The following PCDHB14 variants were observed in gnomAD, a reference collection of about 807,000 sequenced individuals.
PCDHB14 encodes the protein protocadherin beta-14.
For synonymous variants in PCDHB14, 511 were observed against 441.5 expected, an observed-to-expected ratio of 1.16 and a Z score of -1.97; for missense variants, 1,129 against 1,000.5, an observed-to-expected ratio of 1.13 and a Z score of -1.73.
rs782018469 is a variant in PCDHB14 at position 141,225,696 on chromosome 5, C to T, written c.2191C>T (p.Pro731Ser). The change falls in exon 1 of 1, where the codon CCC becomes TCC. Residue 731 changes from proline to serine, a missense_variant. Physicochemically the swap from Pro to Ser is moderately conservative, Grantham distance 74 (BLOSUM62 -1). Coordinates refer to ENST00000239449, the MANE Select transcript of PCDHB14 (RefSeq NM_018934.4). ...SVGRCSVPEG[P>S]FPGHLVDVSG... is the part of the protein sequence containing the mutation. ...GGGTCGCTGCTCGGTGCCCGAGGGT[C>T]CCTTTCCAGGGCATCTGGTGGACGT... 9 of 1,614,098 alleles carry T rather than the reference C, an allele frequency of 5.6e-6. No individual in the cohort carries two copies. The Admixed American group carries it at 1.5e-4, about 27-fold the overall frequency.
In PCDHB14 at chr5:141,223,614, G is replaced by A; in HGVS notation, c.109G>A (p.Glu37Lys). The change falls in exon 1 of 1, where the codon GAG becomes AAG. Residue 37 changes from glutamate (E) to lysine (K), a missense_variant. Coordinates refer to ENST00000239449, the MANE Select transcript of PCDHB14 (RefSeq NM_018934.4). Reference sequence around the variant, plus strand: ...TGAATCTGCACACTATTCTGTGGCAGAGGAAACAGAAATTGGCTCTTTTGT... The same window carrying A: ...TGAATCTGCACACTATTCTGTGGCAAAGGAAACAGAAATTGGCTCTTTTGT... ...GTESAHYSVA[E>K]ETEIGSFVAN... 1 of 1,614,214 alleles carries A rather than the reference G, an allele frequency of 6.2e-7. No individual in the cohort carries two copies. Among genetic ancestry groups the A allele is most frequent in the Non-Finnish European group, 8.5e-7 (1 of 1,180,020 alleles).
In PCDHB14 at chr5:141,225,302, C is replaced by G; in HGVS notation, c.1797C>G (p.Asn599Lys). ...CGGTGGACGGCGACTCGGGCCAGAA[C>G]GCCTGGCTGTCGTACCAGCTGCTCA... ...VVAVDGDSGQ[N>K]AWLSYQLLKA... Residue 599 changes from asparagine to lysine, a missense_variant, in exon 1 of 1, where the codon AAC (asparagine) becomes AAG (lysine). Asn to Lys is a moderately conservative substitution (Grantham distance 94). Coordinates refer to ENST00000239449, the MANE Select transcript of PCDHB14 (RefSeq NM_018934.4). 6.3e-7 allele frequency: 1 copy of G among 1,598,266 alleles called. No individual in the cohort carries two copies. Among genetic ancestry groups the G allele is most frequent in the South Asian group, 1.1e-5 (1 of 90,700 alleles).
rs1588397815 is a variant in PCDHB14 at position 141,224,986 on chromosome 5, A to G, written c.1481A>G (p.Gln494Arg). 2 of 1,612,576 alleles carry G rather than the reference A, an allele frequency of 1.2e-6. No homozygotes were observed. The highest frequency in any genetic ancestry group is 8.5e-7 in the Non-Finnish European group (1 of 1,180,032). Residue 494 changes from glutamine to arginine, a missense_variant, in exon 1 of 1, where the codon CAG becomes CGG. By Grantham distance (43) the Gln-to-Arg change is conservative (BLOSUM62 1). Transcript: ENST00000239449. ...GTCAACTACTCGCTGCTGCCGCCCC[A>G]GGACCGGCACCTGCCCCTCGCCTCC... ...AQVNYSLLPP[Q>R]DRHLPLASLV...
In PCDHB14 at chr5:141,225,165, G is replaced by T. The variant is rs781826653; in HGVS notation, c.1660G>T (p.Ala554Ser). The change falls in exon 1 of 1, where the codon GCC (alanine) becomes TCC (serine). Residue 554 changes from alanine (A) to serine (S), a missense_variant. Ala to Ser is a moderately conservative substitution (Grantham distance 99). Transcript: ENST00000239449. ...GCTGGTGCGCGTGCTGGTGCTGGACGCCAACGACAACTCGCCCTTCGTGCT... is the reference window on the plus strand; with the variant it reads ...GCTGGTGCGCGTGCTGGTGCTGGACTCCAACGACAACTCGCCCTTCGTGCT... ...EALVRVLVLD[A>S]NDNSPFVLYP... 19 of 1,610,992 alleles carry T rather than the reference G, an allele frequency of 1.2e-5. No individual in the cohort carries two copies. The South Asian group carries it at 2.1e-4, about 18-fold the overall frequency.
chr5:141,225,733 G>T lies in PCDHB14; in HGVS notation c.2228G>T (p.Gly743Val). ...PGHLVDVSGT[G>V]TLSQSYQYEV... ...CATCTGGTGGACGTGAGCGGCACCGGGACCCTGTCCCAGAGCTACCAATAC... is the reference window on the plus strand; with the variant it reads ...CATCTGGTGGACGTGAGCGGCACCGTGACCCTGTCCCAGAGCTACCAATAC... The change falls in exon 1 of 1, where the codon GGG (glycine) becomes GTG (valine). Residue 743 changes from glycine (G) to valine (V), a missense_variant. By Grantham distance (109) the Gly-to-Val change is moderately radical. Transcript: ENST00000239449. 4 of 1,614,236 alleles carry T rather than the reference G, an allele frequency of 2.5e-6. No individual in the cohort carries two copies. Among genetic ancestry groups the T allele is most frequent in the Non-Finnish European group, 2.5e-6 (3 of 1,180,046 alleles).
chr5:141,224,847 G>T lies in PCDHB14; in HGVS notation c.1342G>T (p.Ala448Ser). ...TVLLSDVNDN[A>S]PTFTQTSYTL... ...GCTGCTCTCTGACGTCAATGACAAC[G>T]CCCCCACCTTCACCCAAACCTCCTA... Residue 448 changes from alanine (A) to serine (S), a missense_variant, in exon 1 of 1, where the codon GCC (alanine) becomes TCC (serine). Ala to Ser is a moderately conservative substitution (Grantham distance 99). Coordinates refer to ENST00000239449, the MANE Select transcript of PCDHB14 (RefSeq NM_018934.4). 3.7e-6 allele frequency: 6 copies of T among 1,613,698 alleles called. No homozygotes were observed. The highest frequency in any genetic ancestry group is 1.1e-5 in the South Asian group (1 of 91,056).
rs781927010 is a variant in PCDHB14 at position 141,225,426 on chromosome 5, G to T, written c.1921G>T (p.Val641Leu). The T allele has an allele frequency of 6.2e-6, 10 of 1,604,482 alleles. No homozygotes were observed. The African/African-American group carries it at 9.3e-5, about 15-fold the overall frequency. Residue 641 changes from valine to leucine, a missense_variant, in exon 1 of 1, where the codon GTG becomes TTG. Physicochemically the swap from Val to Leu is conservative, Grantham distance 32. Coordinates refer to ENST00000239449, the MANE Select transcript of PCDHB14 (RefSeq NM_018934.4). ...SERDAAKHRLVVLVKDNGEPP... is the reference protein window; with the variant it reads ...SERDAAKHRLLVLVKDNGEPP... ...GCGCGACGCGGCCAAGCACAGGCTG[G>T]TGGTGCTGGTCAAGGACAATGGCGA... is the stretch of plus-strand genomic sequence containing the variant.
In PCDHB14 at chr5:141,225,556, A is replaced by G; in HGVS notation, c.2051A>G (p.Asp684Gly). ...PEAAPAQAQA[D>G]SLTVYLVVAL... ...GCGGCCCCGGCCCAGGCCCAGGCCGACTCCCTCACCGTCTACCTGGTGGTG... is the reference window on the plus strand; with the variant it reads ...GCGGCCCCGGCCCAGGCCCAGGCCGGCTCCCTCACCGTCTACCTGGTGGTG... Residue 684 changes from aspartate (D) to glycine (G), a missense_variant, in exon 1 of 1, where the codon GAC becomes GGC. Transcript: ENST00000239449. 9 of 1,608,798 alleles carry G rather than the reference A, an allele frequency of 5.6e-6. No individual in the cohort carries two copies. Among genetic ancestry groups the G allele is most frequent in the Non-Finnish European group, 7.6e-6 (9 of 1,179,528 alleles).
chr5:141,224,597 AG>A lies in PCDHB14; in HGVS notation c.1093del (p.Val365Ter), dbSNP rs1554289203. 6.2e-7 allele frequency: 1 copy of A among 1,613,930 alleles called. No homozygotes were observed. The highest frequency in any genetic ancestry group is 2.2e-5 in the East Asian group (1 of 44,866). ...TTCCAGAGAATGCCTCAGAGACCCT[AG>A]TAGCTCTTTTTAGTATCCTAGACCA... Reference protein sequence around the residue: ...RIPENASETLVALFSILDQDS... With the variant: ...RIPENASETLXALFSILDQDS... On this transcript the variant is annotated frameshift_variant, in exon 1 of 1. Transcript: ENST00000239449. LOFTEE classifies it low-confidence loss of function (END_TRUNC).
chr5:141,225,470 C>A lies in PCDHB14; in HGVS notation c.1965C>A (p.Thr655=). ...ATGGCGAGCCTCCTCGCTCGGCCAC[C>A]GCCACGCTGCACGTGCTCCTGGTGG... ...KDNGEPPRSA[T]ATLHVLLVDG... is the part of the protein sequence containing the mutation. The change falls in exon 1 of 1, where the codon ACC becomes ACA. Residue 655 remains threonine, a synonymous_variant. Transcript: ENST00000239449. 1 of 1,604,412 alleles carries A rather than the reference C, an allele frequency of 6.2e-7. No individual in the cohort carries two copies.
rs1554289025 is a variant in PCDHB14, at chr5:141,223,698, C to G, written c.193C>G (p.Arg65Gly). 6.2e-7 allele frequency: 1 copy of G among 1,613,862 alleles called. No homozygotes were observed. Among genetic ancestry groups the G allele is most frequent in the Admixed American group, 1.7e-5 (1 of 59,990 alleles). ...GGAGGAGCTGTCTTCACGTGAAGCC[C>G]GGGTAGTGTCTGATGATAATAAAAA... ...GVEELSSREARVVSDDNKKYL... is the reference protein window; with the variant it reads ...GVEELSSREAGVVSDDNKKYL... Residue 65 changes from arginine to glycine, a missense_variant, in exon 1 of 1, where the codon CGG becomes GGG. By Grantham distance (125) the Arg-to-Gly change is moderately radical (BLOSUM62 -2). Coordinates refer to ENST00000239449, the MANE Select transcript of PCDHB14 (RefSeq NM_018934.4).
At position 141,223,666 on chromosome 5, in the gene PCDHB14, TG is replaced by T. The variant is rs1754765444; in HGVS notation, c.166del (p.Val56TrpfsTer11). Reference protein sequence around the residue: ...FVANLARDLGLGVEELSSREA... With the variant: ...FVANLARDLGXGVEELSSREA... Reference sequence around the variant, plus strand: ...GCTAATCTAGCGAGGGACCTAGGGCTGGGGGTGGAGGAGCTGTCTTCACGTG... The same window carrying T: ...GCTAATCTAGCGAGGGACCTAGGGCTGGGGTGGAGGAGCTGTCTTCACGTG... On this transcript the variant is annotated frameshift_variant, in exon 1 of 1. Transcript: ENST00000239449. LOFTEE classifies it low-confidence loss of function (END_TRUNC). The T allele has an allele frequency of 8.1e-6, 13 of 1,614,068 alleles. No individual in the cohort carries two copies. The highest frequency in any genetic ancestry group is 3.3e-4 in the Middle Eastern group (2 of 6,058).
In PCDHB14 at chr5:141,225,119, C is replaced by G. The variant is rs782656985; in HGVS notation, c.1614C>G (p.Ser538=). ...GCGTGGGCGCCACAGACCGCGGGTC[C>G]CCGGCGTTGAGCAGCGAGGCGCTGG... ...EFRVGATDRG[S]PALSSEALVR... is the part of the protein sequence containing the mutation. Residue 538 remains serine, a synonymous_variant, in exon 1 of 1, where the codon TCC becomes TCG. Transcript: ENST00000239449. The G allele has an allele frequency of 8.7e-6, 14 of 1,611,954 alleles. No homozygotes were observed. In the Admixed American group the frequency reaches 2.2e-4, roughly 25 times the overall value.
rs61997246 is a variant in PCDHB14 at position 141,224,992 on chromosome 5, G to T, written c.1487G>T (p.Arg496Leu). The T allele has an allele frequency of 3.7e-6, 6 of 1,612,532 alleles. No homozygotes were observed. Among genetic ancestry groups the T allele is most frequent in the Admixed American group, 3.3e-5 (2 of 60,020 alleles). The change falls in exon 1 of 1, where the codon CGG becomes CTG. Residue 496 changes from arginine to leucine, a missense_variant. Arg to Leu is a moderately radical substitution (Grantham distance 102). Transcript: ENST00000239449. The part of the protein sequence containing the change: ...VNYSLLPPQD[R>L]HLPLASLVSI... ...TACTCGCTGCTGCCGCCCCAGGACC[G>T]GCACCTGCCCCTCGCCTCCTTGGTC... is the stretch of plus-strand genomic sequence containing the variant.
rs1754779857 is a variant in PCDHB14, at chr5:141,224,123, T to C, written c.618T>C (p.Ala206=). The change falls in exon 1 of 1, where the codon GCT becomes GCC. Residue 206 remains alanine, a synonymous_variant. Transcript: ENST00000239449. The part of the protein sequence containing the change: ...LDRALDYEQE[A]ELRLTLTAVD... ...GAGCTTTAGATTATGAACAGGAAGC[T>C]GAACTCAGATTAACACTCACAGCAG... 1.9e-6 allele frequency: 3 copies of C among 1,614,094 alleles called. No homozygotes were observed. Among genetic ancestry groups the C allele is most frequent in the East Asian group, 2.2e-5 (1 of 44,878 alleles).
At position 141,223,469 on chromosome 5, in the gene PCDHB14, G is replaced by C. The variant is rs200616584; in HGVS notation, c.-37G>C. ...CTTCAGCTTCCAAAATTACGGCTGAGCTTCAGTTTTTCCACAAGAGATTGC... is the reference window on the plus strand; with the variant it reads ...CTTCAGCTTCCAAAATTACGGCTGACCTTCAGTTTTTCCACAAGAGATTGC... On this transcript the variant is annotated 5_prime_UTR_variant, in exon 1 of 1. Transcript: ENST00000239449. 6.7e-7 allele frequency: 1 copy of C among 1,490,206 alleles called. No individual in the cohort carries two copies. The highest frequency in any genetic ancestry group is 9.1e-7 in the Non-Finnish European group (1 of 1,094,644). 92.3% of individuals were successfully genotyped at this position (1,490,206 alleles called of 1,614,324 possible). A position where few individuals can be genotyped will look rare whatever the true frequency, so the allele number is the denominator to read the frequency against.
rs1554289103 is a variant in PCDHB14 at position 141,224,166 on chromosome 5, C to T, written c.661C>T (p.Pro221Ser). 1.9e-6 allele frequency: 3 copies of T among 1,613,940 alleles called. No individual in the cohort carries two copies. The African/African-American group carries it at 4.0e-5, about 22-fold the overall frequency. Residue 221 changes from proline to serine, a missense_variant, in exon 1 of 1, where the codon CCC (proline) becomes TCC (serine). Coordinates refer to ENST00000239449, the MANE Select transcript of PCDHB14 (RefSeq NM_018934.4). ...CACAGCAGTGGATGGTGGATCCCCG[C>T]CCAAGTCTGGGACAACTTTGGTTCT... ...TLTAVDGGSP[P>S]KSGTTLVLIK...
At position 141,224,054 on chromosome 5, in the gene PCDHB14, C is replaced by T. The variant is rs201889147; in HGVS notation, c.549C>T (p.Pro183=). Residue 183 remains proline (P), a synonymous_variant, in exon 1 of 1, where the codon CCC becomes CCT. Coordinates refer to ENST00000239449, the MANE Select transcript of PCDHB14 (RefSeq NM_018934.4). ...SPNSHFYIKI[P]DSSDRKIYPE... Reference sequence around the variant, plus strand: ...ATTCTCACTTCTACATTAAAATTCCCGACAGTAGTGACAGAAAGATATACC... The same window carrying T: ...ATTCTCACTTCTACATTAAAATTCCTGACAGTAGTGACAGAAAGATATACC... 17 of 1,613,668 alleles carry T rather than the reference C, an allele frequency of 1.1e-5. No individual in the cohort carries two copies. Among genetic ancestry groups the T allele is most frequent in the East Asian group, 4.5e-5 (2 of 44,878 alleles).
Position 141,224,992 on chromosome 5 carries a change from G to C in PCDHB14, c.1487G>C (p.Arg496Pro), listed in dbSNP as rs61997246. ...TACTCGCTGCTGCCGCCCCAGGACC[G>C]GCACCTGCCCCTCGCCTCCTTGGTC... ...VNYSLLPPQD[R>P]HLPLASLVSI... is the part of the protein sequence containing the mutation. Residue 496 changes from arginine to proline, a missense_variant, in exon 1 of 1, where the codon CGG becomes CCG. Transcript: ENST00000239449. 0.024 allele frequency: 38,348 copies of C among 1,612,528 alleles called. 2,216 individuals carry two copies. Among genetic ancestry groups the C allele is most frequent in the African/African-American group, 0.23 (17,300 of 74,966 alleles).
Sources: allele counts gnomAD v4.1 joint callset, GRCh38; gene constraint gnomAD v4.1.1; transcripts MANE v1.5; gene names NCBI Gene and HGNC (gene_info 2026-07-23, HGNC 2026-07-21).